The following TBC1D30 variants were observed in gnomAD, a reference collection of about 807,000 sequenced individuals.
TBC1D30 encodes TBC1 domain family, member 30.
Under a neutral mutation model 63.2 loss-of-function variants are expected in TBC1D30, and 31 were observed. The observed-to-expected ratio is 0.49, with a 90% CI of 0.37 to 0.66. TBC1D30 has a LOEUF of 0.66. Among genes scored for constraint, TBC1D30 ranks in the 30% least tolerant of loss-of-function variants. The pLI is 0.00. For synonymous variants in TBC1D30, 307 were observed against 361.5 expected (o/e 0.85, Z 1.71); for missense variants, 810 against 953.6 (o/e 0.85, Z 1.98).
At chr12:64,872,773 A>G (rs552277506) in intron 11 of TBC1D30, among the ~76,000 whole-genome samples, 1 of 152,328 alleles carries the variant, frequency 6.6e-6, no homozygotes, top group African/African-American at 2.4e-5. Flanking sequence ...AGGCCTCACA[A>G]TCATGGTGGA....
At chr12:64,772,253 A>T (rs1445390414) in intron 1 of TBC1D30, among the ~76,000 whole-genome samples, 1 of 151,708 alleles carries the variant, frequency 6.6e-6, no homozygotes, top group African/African-American at 2.4e-5. Flanking sequence ...AAAAAAAAAA[A>T]AAAAAGGAAT....
At chr12:64,838,305 A>G (rs1338342705) in intron 6 of TBC1D30, among the ~76,000 whole-genome samples, 1 of 152,220 alleles carries the variant, frequency 6.6e-6, no homozygotes, top group East Asian at 1.9e-4. Flanking sequence ...GCATTTGAAT[A>G]TAAGTGGGCA....
intron 2 of TBC1D30, among the ~76,000 whole-genome samples, chr12:64,798,624 G>A (rs947848461): frequency 3.9e-5 from 6 of 152,042 alleles, no homozygotes; most frequent in South Asian, 2.1e-4. Context: ...AAACCTTGAC[G>A]TTTGCTCAAT....
chr12:64,795,921 T>TTTG (rs1190627401), intron 2 of TBC1D30, among the ~76,000 whole-genome samples: 3 of 152,132 alleles, frequency 2.0e-5, no homozygotes, highest in Non-Finnish European at 4.4e-5. Context: ...AGATTTGCCT[T>TTTG]AAATTTGGAA....
At chr12:64,802,878 T>C (rs996880844) in intron 2 of TBC1D30, among the ~76,000 whole-genome samples, 15 of 152,260 alleles carry the variant, frequency 9.9e-5, no homozygotes, top group Admixed American at 5.2e-4. Flanking sequence ...TGCCACATTT[T>C]CTTAATCCAG....
At position 64,874,234 on chromosome 12, in the gene TBC1D30, T is replaced by C. The variant is rs766512123; in HGVS notation, c.1499-767T>C. On this transcript the variant is annotated intron_variant, in intron 11 of 11. Transcript: ENST00000539867. ...TCCCAAGTAGCTGGGACTACAGGCA[T>C]GCACCATCACACCTGGCTAATTTTT... 2.0e-5 allele frequency among the ~76,000 whole-genome samples: 3 copies of C among 152,168 alleles called. No individual in the cohort carries two copies. In the South Asian group the frequency reaches 6.2e-4, roughly 31 times the overall value.
chr12:64,783,438 C>T (rs1172598327), intron 1 of TBC1D30, among the ~76,000 whole-genome samples: 1 of 152,200 alleles, frequency 6.6e-6, no homozygotes, highest in Middle Eastern at 3.2e-3. Context: ...AAGTGCTCAA[C>T]AGATGTTAGA....
intron 11 of TBC1D30, 77 bp downstream of exon 11, chr12:64,870,885 G>C: frequency 7.1e-7 from 1 of 1,417,350 alleles, no homozygotes; most frequent in Non-Finnish European, 9.6e-7. Context: ...TCCTAGGAAG[G>C]CCTTGGAATT....
chr12:64,776,578 CA>C (rs757537225), upstream of TBC1D30, among the ~76,000 whole-genome samples: 1 of 152,118 alleles, frequency 6.6e-6, no homozygotes, highest in Non-Finnish European at 1.5e-5. Context: ...AGTCCCTGAA[CA>C]GACCAATAAT....
Position 64,838,721 on chromosome 12 carries a change from C to A in TBC1D30, c.802C>A (p.Gln268Lys), listed in dbSNP as rs1407890069. The A allele has an allele frequency of 1.3e-6, 2 of 1,536,504 alleles. No individual in the cohort carries two copies. Among genetic ancestry groups the A allele is most frequent in the Non-Finnish European group, 1.7e-6 (2 of 1,147,030 alleles). The change falls in exon 7 of 12, where the codon CAG (glutamine) becomes AAG (lysine). Residue 268 changes from glutamine (Q) to lysine (K), a missense_variant. Gln to Lys is a moderately conservative substitution (Grantham distance 53). Coordinates refer to ENST00000539867, the MANE Select transcript of TBC1D30 (RefSeq NM_015279.2). ...CCCACTTACAAATGTCTTCACGATG[C>A]AGTGGTTTCTGACTCTCTTTGCCAC... Reference protein sequence around the residue: ...EPPLTNVFTMQWFLTLFATCL... With the variant: ...EPPLTNVFTMKWFLTLFATCL...
chr12:64,762,797 T>C (rs1012735039), intron 1 of TBC1D30, among the ~76,000 whole-genome samples: 2 of 152,160 alleles, frequency 1.3e-5, no homozygotes, highest in African/African-American at 4.8e-5. Flanking sequence ...GATAATTTAG[T>C]TTTTTCTCTA....
intron 8 of TBC1D30, among the ~76,000 whole-genome samples, chr12:64,851,123 G>A (rs1005912253): frequency 6.6e-6 from 1 of 152,042 alleles, no homozygotes; most frequent in African/African-American, 2.4e-5. Context: ...GATATTTCCT[G>A]TATCATTTTT....
At position 64,819,077 on chromosome 12, in the gene TBC1D30, G is replaced by A. The variant is rs185239138; in HGVS notation, c.644-8758G>A. Among the ~76,000 whole-genome samples, 203 of 152,310 alleles carry A rather than the reference G, an allele frequency of 1.3e-3. 1 individual carries two copies. Among genetic ancestry groups the A allele is most frequent in the Non-Finnish European group, 1.1e-3 (74 of 68,016 alleles). On this transcript the variant is annotated intron_variant, in intron 2 of 12. Transcript: ENST00000542120. ...TACATTTCTGTATGACATTCTGAGT[G>A]TGATTTGGTGTTGGAATTTTAAAGC...
chr12:64,831,080 G>A (rs1874817984), intron 4 of TBC1D30, among the ~76,000 whole-genome samples: 1 of 152,122 alleles, frequency 6.6e-6, no homozygotes, highest in Non-Finnish European at 1.5e-5. Context: ...CTTACATAAG[G>A]CTCTAGCACA....
chr12:64,837,243 G>A (rs938751464), intron 6 of TBC1D30, among the ~76,000 whole-genome samples: 1 of 152,070 alleles, frequency 6.6e-6, no homozygotes, highest in African/African-American at 2.4e-5. Flanking sequence ...CCAGTTTCCG[G>A]GAAGACAGTT....
At chr12:64,787,976 G>C (rs1052994177) in intron 2 of TBC1D30, among the ~76,000 whole-genome samples, 3 of 152,176 alleles carry the variant, frequency 2.0e-5, no homozygotes, top group African/African-American at 7.2e-5. Flanking sequence ...GGGGGTTGCA[G>C]TGAGCCAAGA....
chr12:64,817,279 T>C (rs560998539), intron 2 of TBC1D30, among the ~76,000 whole-genome samples: 2 of 152,318 alleles, frequency 1.3e-5, no homozygotes, highest in East Asian at 3.9e-4. Flanking sequence ...AAGGACAGTA[T>C]TGAGCGCCTG....
intron 2 of TBC1D30, among the ~76,000 whole-genome samples, chr12:64,815,172 C>T (rs998478415): frequency 2.6e-5 from 4 of 152,148 alleles, no homozygotes; most frequent in African/African-American, 9.7e-5. Context: ...TTTGATAATT[C>T]TGTTAAATGT....
chr12:64,792,366 G>A (rs1592549412), intron 2 of TBC1D30, among the ~76,000 whole-genome samples: 1 of 152,098 alleles, frequency 6.6e-6, no homozygotes, highest in Admixed American at 6.6e-5. Flanking sequence ...AGCAATATAT[G>A]GTTCTGAAAA....
Sources: allele counts gnomAD v4.1 joint callset (sites outside exome capture counted in the v4.1 genomes callset), GRCh38; gene constraint gnomAD v4.1.1; transcripts MANE v1.5; gene names NCBI Gene and HGNC (gene_info 2026-07-23, HGNC 2026-07-21).